Variants in NUMBL observed in about 807,000 individuals in gnomAD.
NUMBL encodes the protein numb-like protein.
Under a neutral mutation model 48.9 loss-of-function variants are expected in NUMBL, and 20 were observed. The ratio of observed to expected loss-of-function variants is 0.41; its 90% CI spans 0.29 to 0.59. The LOEUF (loss-of-function observed/expected upper bound fraction) is 0.59. Ranked by LOEUF, NUMBL falls within the 20% of genes least tolerant of loss-of-function variation. The probability of loss-of-function intolerance (pLI) is 0.31; values close to 1 mark genes in which losing one functional copy is unlikely to be tolerated. For synonymous variants in NUMBL, 340 were observed against 348.7 expected (o/e 0.98, Z 0.28); for missense variants, 660 against 846.2 (o/e 0.78, Z 2.73).
At chr19:40,675,576 A>AACAC (rs3071383) in intron 7 of NUMBL, among the ~76,000 whole-genome samples, 7,360 of 142,354 alleles carry the variant, frequency 0.052, 209 homozygotes, top group Non-Finnish European at 0.058. Flanking sequence ...TTATATTTTA[A>AACAC]ACACACACAC....
Position 40,673,338 on chromosome 19 carries a change from G to A in NUMBL, c.1036+6C>T. ...AACGCCGTTTCCCACTGGGCCCAGG[G>A]CTCACCTGTGCCCTTCACCTGGAAG... On this transcript the variant is annotated splice_donor_region_variant and intron_variant, in intron 8 of 9. Transcript: ENST00000252891. This position sits in a 1 kb window ranked among gnomAD's most constrained non-coding sequence, Gnocchi z 5.9. 2.5e-6 allele frequency: 4 copies of A among 1,606,210 alleles called. No homozygotes were observed. The highest frequency in any genetic ancestry group is 3.4e-6 in the Non-Finnish European group (4 of 1,174,566).
chr19:40,684,679 C>G, intron 2 of NUMBL, 123 bp from the exon 3 acceptor site: 1 of 1,352,320 alleles, frequency 7.4e-7, no homozygotes, highest in Non-Finnish European at 9.8e-7. Context: ...AGCGGGGTTA[C>G]AGGGTCAGTT....
intron 1 of NUMBL, among the ~76,000 whole-genome samples, chr19:40,689,289 A>G (rs1194297481): frequency 6.6e-6 from 1 of 152,118 alleles, no homozygotes; most frequent in Non-Finnish European, 1.5e-5. Context: ...AGTCACAACC[A>G]TGCACACCTC....
chr19:40,674,367 C>T (rs1354721284), intron 7 of NUMBL, among the ~76,000 whole-genome samples: 1 of 152,156 alleles, frequency 6.6e-6, no homozygotes, highest in African/African-American at 2.4e-5. Flanking sequence ...TTGTTCCAGG[C>T]TCTCAGCCTG....
chr19:40,687,400 T>C lies in NUMBL; in HGVS notation c.25-405A>G, dbSNP rs1488845127. Among the ~76,000 whole-genome samples the C allele has an allele frequency of 6.6e-6, 1 of 152,160 alleles. No individual in the cohort carries two copies. Among genetic ancestry groups the C allele is most frequent in the Non-Finnish European group, 1.5e-5 (1 of 68,026 alleles). The stretch of plus-strand genomic sequence containing the variant: ...ACAGCTACACACCTCAGATCGCAGA[T>C]ACACAGAAACAGTCCCAAACCCAGA... On this transcript the variant is annotated intron_variant, in intron 1 of 9. Transcript: ENST00000252891. The surrounding 1 kb of genome is among the most constrained non-coding windows in gnomAD (Gnocchi z 4.6).
At chr19:40,684,291 C>T in intron 3 of NUMBL, 126 bp downstream of exon 3, 1 of 1,022,568 alleles carries the variant, frequency 9.8e-7, no homozygotes, top group Non-Finnish European at 1.4e-6. Context: ...GACTGCCGGC[C>T]TCACGCTTTT....
chr19:40,682,984 A>AG lies in NUMBL; in HGVS notation c.250-17_250-16insC. On this transcript the variant is annotated splice_polypyrimidine_tract_variant and intron_variant, in intron 3 of 9. Coordinates refer to ENST00000252891, the MANE Select transcript of NUMBL (RefSeq NM_004756.5). This position sits in a 1 kb window ranked among gnomAD's most constrained non-coding sequence, Gnocchi z 4.0. Reference sequence around the variant, plus strand: ...GACCCAGGTACTTGGGTTGGAGGGAATGGGGGGGGGGACATGAAACAGCAC... The same window carrying AG: ...GACCCAGGTACTTGGGTTGGAGGGAAGTGGGGGGGGGGACATGAAACAGCAC... 5 of 1,533,986 alleles carry AG rather than the reference A, an allele frequency of 3.3e-6. No homozygotes were observed. The highest frequency in any genetic ancestry group is 1.1e-5 in the South Asian group (1 of 89,126).
At chr19:40,680,125 A>T (rs8110611) in intron 6 of NUMBL, among the ~76,000 whole-genome samples, 104,376 of 151,388 alleles carry the variant, frequency 0.69, 36,999 homozygotes, top group African/African-American at 0.87. Flanking sequence ...CTCATCCCCA[A>T]ATAGTTTTTT....
rs2081859370 is a variant in NUMBL, at chr19:40,673,556, C to A, written c.824G>T (p.Gly275Val). 1 of 1,552,128 alleles carries A rather than the reference C, an allele frequency of 6.4e-7. No homozygotes were observed. Among genetic ancestry groups the A allele is most frequent in the African/African-American group, 1.4e-5 (1 of 73,100 alleles). Residue 275 changes from glycine (G) to valine (V), a missense_variant, in exon 8 of 10, where the codon GGT (glycine) becomes GTT (valine). Gly to Val is a moderately radical substitution (Grantham distance 109). Around this residue, in one of 3 missense-constraint regions of NUMBL, gnomAD observed 278 missense variants for 420.6 expected, o/e 0.66. Coordinates refer to ENST00000252891, the MANE Select transcript of NUMBL (RefSeq NM_004756.5). The surrounding 1 kb of genome is among the most constrained non-coding windows in gnomAD (Gnocchi z 5.9). Reference sequence around the variant, plus strand: ...TGCAGCCACAGGGGTGCCTGCCTCACCCTTCTCACCAGGGGATGTGGTGGC... The same window carrying A: ...TGCAGCCACAGGGGTGCCTGCCTCAACCTTCTCACCAGGGGATGTGGTGGC... Reference protein sequence around the residue: ...TPATTSPGEKGEAGTPVAAGT... With the variant: ...TPATTSPGEKVEAGTPVAAGT...
chr19:40,687,988 T>C lies in NUMBL; in HGVS notation c.25-993A>G, dbSNP rs137897508. ...TCACAGCATCAGTCACACAGTCTAT[T>C]GTGACAGCCACACTCATAGGGACAG... On this transcript the variant is annotated intron_variant, in intron 1 of 9. Coordinates refer to ENST00000252891, the MANE Select transcript of NUMBL (RefSeq NM_004756.5). This position sits in a 1 kb window ranked among gnomAD's most constrained non-coding sequence, Gnocchi z 4.6. Among the ~76,000 whole-genome samples the C allele has an allele frequency of 6.3e-4, 96 of 152,308 alleles. 1 individual carries two copies. Among genetic ancestry groups the C allele is most frequent in the African/African-American group, 2.0e-3 (84 of 41,568 alleles).
rs936861442 is a variant in NUMBL at position 40,673,270 on chromosome 19, C to T, written c.1036+74G>A. ...AAATCAATCACAGTGTGAACCATCT[C>T]GCCTCCATCCCTTGCCCACATCAGA... On this transcript the variant is annotated intron_variant, in intron 8 of 9. Transcript: ENST00000252891. The surrounding 1 kb of genome is among the most constrained non-coding windows in gnomAD (Gnocchi z 5.9). 7.1e-6 allele frequency: 10 copies of T among 1,415,908 alleles called. No individual in the cohort carries two copies. Among genetic ancestry groups the T allele is most frequent in the South Asian group, 2.8e-5 (2 of 72,474 alleles). The allele number at this position is 1,415,908 out of a possible 1,614,324, so 87.7% of individuals were successfully genotyped here.
rs770306195 is a variant in NUMBL, at chr19:40,667,450, T to C, written c.*18A>G. On this transcript the variant is annotated 3_prime_UTR_variant, in exon 10 of 10. Transcript: ENST00000252891. This position sits in a 1 kb window ranked among gnomAD's most constrained non-coding sequence, Gnocchi z 6.1. ...CGTGGGGCACCTGGAGATGATGGAG[T>C]GGGTGGGGCGGCTCGGGCTACAGTT... 5.0e-6 allele frequency: 8 copies of C among 1,598,130 alleles called. No individual in the cohort carries two copies. The highest frequency in any genetic ancestry group is 6.0e-6 in the Non-Finnish European group (7 of 1,173,674).
chr19:40,676,113 G>C (rs1351674752), intron 7 of NUMBL, among the ~76,000 whole-genome samples: 5 of 152,280 alleles, frequency 3.3e-5, no homozygotes, highest in Non-Finnish European at 7.4e-5. Flanking sequence ...CACATGGGCT[G>C]GGCCCAGTTG....
intron 2 of NUMBL, chr19:40,686,009 T>TC (rs2081932433): frequency 6.5e-6 from 1 of 153,014 alleles, no homozygotes; most frequent in South Asian, 2.1e-4. Context: ...TGCTGGGTGT[T>TC]CTTTGTGAGA....
intron 7 of NUMBL, among the ~76,000 whole-genome samples, chr19:40,675,422 A>G (rs921857524): frequency 6.6e-6 from 1 of 151,918 alleles, no homozygotes; most frequent in Non-Finnish European, 1.5e-5. Context: ...GTCTCCCTTA[A>G]TCAGGATCAG....
chr19:40,680,717 G>T (rs1386597427), intron 6 of NUMBL, among the ~76,000 whole-genome samples, 200 bp downstream of exon 6: 2 of 152,206 alleles, frequency 1.3e-5, no homozygotes, highest in African/African-American at 4.8e-5. Flanking sequence ...CCAAAGTGCT[G>T]GGATTACAGG....
chr19:40,680,558 C>T (rs554106290), intron 6 of NUMBL, among the ~76,000 whole-genome samples: 66 of 152,240 alleles, frequency 4.3e-4, no homozygotes, highest in African/African-American at 1.5e-3. Context: ...AAGTGATTCT[C>T]CTGCCTCAGC....
rs1013834383 is a variant in NUMBL, at chr19:40,669,900, G to A, written c.1157C>T (p.Thr386Ile). Residue 386 changes from threonine to isoleucine, a missense_variant and splice_region_variant, in exon 9 of 10, where the codon ACA becomes ATA. By Grantham distance (89) the Thr-to-Ile change is moderately conservative (BLOSUM62 -1). Around this residue, in one of 3 missense-constraint regions of NUMBL, gnomAD observed 296 missense variants for 339.7 expected, o/e 0.87. Coordinates refer to ENST00000252891, the MANE Select transcript of NUMBL (RefSeq NM_004756.5). ...CCCAGCAGAAAGCCTGGCTTTACCT[G>A]TTGTGGCAGGTGGTGGCCCTGGTGC... ...APAPGPPPAT[T>I]GTSAWGEPSV... 1.2e-6 allele frequency: 2 copies of A among 1,613,424 alleles called. No homozygotes were observed. Among genetic ancestry groups the A allele is most frequent in the Admixed American group, 3.3e-5 (2 of 59,932 alleles).
rs1399322076 is a variant in NUMBL at position 40,686,942 on chromosome 19, C to A, written c.78G>T (p.Pro26=). Residue 26 remains proline, a synonymous_variant, in exon 2 of 10, where the codon CCG becomes CCT. Coordinates refer to ENST00000252891, the MANE Select transcript of NUMBL (RefSeq NM_004756.5). ...RHLPPAPCGA[P]GPPETCRTEP... ...CCGTCCTGCAGGTTTCTGGGGGCCC[C>A]GGGGCCCCACAGGGGGCTGGGGGCA... 1 of 1,544,928 alleles carries A rather than the reference C, an allele frequency of 6.5e-7. No homozygotes were observed. The highest frequency in any genetic ancestry group is 2.0e-5 in the Admixed American group (1 of 49,850).
Sources: allele counts gnomAD v4.1 joint callset (sites outside exome capture counted in the v4.1 genomes callset), GRCh38; gene constraint gnomAD v4.1.1; regional missense constraint gnomAD v4.1.1; non-coding constraint Gnocchi (gnomAD v3.1); transcripts MANE v1.5; gene names NCBI Gene and HGNC (gene_info 2026-07-23, HGNC 2026-07-21).